The following MACROD2 variants were observed in gnomAD, a reference collection of about 807,000 sequenced individuals.
The protein encoded by MACROD2 is mono-ADP ribosylhydrolase 2.
In MACROD2, 36 loss-of-function variants were observed where a neutral mutation model predicts 70.4. That is an observed-to-expected ratio of 0.51 (90% CI 0.39 to 0.68). MACROD2 has a LOEUF of 0.68. Ranked by LOEUF, MACROD2 falls within the 30% of genes least tolerant of loss-of-function variation. MACROD2 has a pLI of 0.00. For synonymous variants in MACROD2, 172 were observed against 178.8 expected (o/e 0.96, Z 0.30); for missense variants, 496 against 538.4 (o/e 0.92, Z 0.78).
chr20:15,869,562 G>A (rs1337850857), intron 9 of MACROD2, among the ~76,000 whole-genome samples: 1 of 151,892 alleles, frequency 6.6e-6, no homozygotes, highest in Non-Finnish European at 1.5e-5. Flanking sequence ...CAAGAAGTTT[G>A]TATGCCTTAA....
chr20:14,802,884 T>C (rs1335883816), intron 5 of MACROD2, among the ~76,000 whole-genome samples: 1 of 152,014 alleles, frequency 6.6e-6, no homozygotes, highest in Non-Finnish European at 1.5e-5. Context: ...GAATATCTCA[T>C]TTTTAATGAT....
chr20:14,287,040 G>C (rs1031980065), intron 3 of MACROD2, among the ~76,000 whole-genome samples: 2 of 152,058 alleles, frequency 1.3e-5, no homozygotes, highest in Non-Finnish European at 2.9e-5. Flanking sequence ...TGACTGCATT[G>C]AGTGATAGGT....
chr20:14,666,239 A>T (rs958289585), intron 4 of MACROD2, among the ~76,000 whole-genome samples: 1 of 152,178 alleles, frequency 6.6e-6, no homozygotes, highest in Non-Finnish European at 1.5e-5. Flanking sequence ...AACAGGGTAA[A>T]ACCCCCAAAT....
At chr20:14,405,141 T>A (rs540316860) in intron 3 of MACROD2, among the ~76,000 whole-genome samples, 37 of 152,244 alleles carry the variant, frequency 2.4e-4, no homozygotes, top group African/African-American at 7.9e-4. Flanking sequence ...AAGACCATGT[T>A]GAGACTTTTG....
intron 5 of MACROD2, among the ~76,000 whole-genome samples, chr20:14,810,129 C>A (rs942254327): frequency 6.6e-6 from 1 of 152,054 alleles, no homozygotes; most frequent in African/African-American, 2.4e-5. Flanking sequence ...GGCAGAGACA[C>A]AACAACGACA....
intron 5 of MACROD2, among the ~76,000 whole-genome samples, chr20:14,787,291 T>A (rs535104675): frequency 1.3e-5 from 2 of 151,494 alleles, no homozygotes; most frequent in African/African-American, 4.9e-5. Flanking sequence ...TCATTGAATA[T>A]ATTGTAACGT....
chr20:15,924,561 A>G (rs1480946825), intron 10 of MACROD2, among the ~76,000 whole-genome samples: 2 of 152,192 alleles, frequency 1.3e-5, no homozygotes, highest in Non-Finnish European at 1.5e-5. Flanking sequence ...GTGCAGGCAG[A>G]CACATCTCAT....
intron 11 of MACROD2, among the ~76,000 whole-genome samples, chr20:15,934,620 G>C (rs1230721568): frequency 6.6e-6 from 1 of 152,114 alleles, no homozygotes; most frequent in Non-Finnish European, 1.5e-5. Flanking sequence ...TTCTGTGACT[G>C]TTGAGGTTTC....
intron 5 of MACROD2, among the ~76,000 whole-genome samples, chr20:14,789,372 A>T: frequency 6.6e-6 from 1 of 151,146 alleles, no homozygotes; most frequent in Middle Eastern, 3.2e-3. Context: ...CTTTCTTTGA[A>T]TCCAGGGCAG....
chr20:14,665,441 T>C (rs188648568), intron 4 of MACROD2, among the ~76,000 whole-genome samples: 30 of 152,194 alleles, frequency 2.0e-4, no homozygotes, highest in African/African-American at 6.7e-4. Context: ...ATGAATTACA[T>C]TTTAAAGCAT....
chr20:14,543,851 C>G (rs1330238887), intron 4 of MACROD2, among the ~76,000 whole-genome samples: 1 of 152,190 alleles, frequency 6.6e-6, no homozygotes, highest in Non-Finnish European at 1.5e-5. Context: ...CGTTTTCTAA[C>G]ATTTCTCTTT....
rs1438688815 is a variant in MACROD2, at chr20:14,645,895, G to A, written c.302-38948G>A. Reference sequence around the variant, plus strand: ...AAAACTCCATTTACAGAAACCAAATGTGCAGAAATGGATTGTCATAATTCC... The same window carrying A: ...AAAACTCCATTTACAGAAACCAAATATGCAGAAATGGATTGTCATAATTCC... On this transcript the variant is annotated intron_variant, in intron 4 of 17. Coordinates refer to ENST00000684519, the MANE Select transcript of MACROD2 (RefSeq NM_001351661.2). Among the ~76,000 whole-genome samples the A allele has an allele frequency of 2.6e-5, 4 of 151,836 alleles. No homozygotes were observed. In the East Asian group the frequency reaches 7.7e-4, roughly 29 times the overall value.
chr20:15,510,804 G>A (rs116448805), intron 8 of MACROD2, among the ~76,000 whole-genome samples: 181 of 152,332 alleles, frequency 1.2e-3, no homozygotes, highest in African/African-American at 4.2e-3. Context: ...TGAGCCCAGT[G>A]ACAGAAGGGC....
At chr20:15,302,367 C>T (rs889297193) in intron 6 of MACROD2, among the ~76,000 whole-genome samples, 1 of 63,164 alleles carries the variant, frequency 1.6e-5, no homozygotes, top group East Asian at 3.8e-4. Flanking sequence ...AAAATACACA[C>T]ACACACACAC....
At chr20:15,417,081 T>C (rs191837505) in intron 6 of MACROD2, among the ~76,000 whole-genome samples, 2 of 152,160 alleles carry the variant, frequency 1.3e-5, no homozygotes, top group Non-Finnish European at 1.5e-5. Flanking sequence ...AGGCGTGAAA[T>C]CTGCATATGC....
chr20:14,540,965 C>A (rs570190728), intron 4 of MACROD2, among the ~76,000 whole-genome samples: 12 of 152,318 alleles, frequency 7.9e-5, no homozygotes, highest in African/African-American at 2.9e-4. Context: ...CCCCATCTTA[C>A]TTCACCTGGC....
intron 3 of MACROD2, among the ~76,000 whole-genome samples, chr20:14,310,251 A>G (rs2082554729): frequency 6.6e-6 from 1 of 152,182 alleles, no homozygotes; most frequent in Admixed American, 6.5e-5. Flanking sequence ...GTTGTAAATA[A>G]CTGTAACAGA....
intron 5 of MACROD2, among the ~76,000 whole-genome samples, chr20:15,076,910 G>A (rs2075662657): frequency 6.6e-6 from 1 of 152,168 alleles, no homozygotes; most frequent in South Asian, 2.1e-4. Flanking sequence ...GCAATATCTG[G>A]TAGTTCAGAA....
intron 5 of MACROD2, among the ~76,000 whole-genome samples, chr20:15,205,743 A>G (rs1319679116): frequency 6.6e-6 from 1 of 152,238 alleles, no homozygotes; most frequent in South Asian, 2.1e-4. Flanking sequence ...GAAACTTGTT[A>G]ATTTTTTGCT....
Sources: allele counts gnomAD v4.1 joint callset (sites outside exome capture counted in the v4.1 genomes callset), GRCh38; gene constraint gnomAD v4.1.1; transcripts MANE v1.5; gene names NCBI Gene and HGNC (gene_info 2026-07-23, HGNC 2026-07-21).